Variants in TTC27 observed in about 807,000 individuals in gnomAD.
The protein encoded by TTC27 is tetratricopeptide repeat domain 27.
Under a neutral mutation model 115.9 loss-of-function variants are expected in TTC27, and 79 were observed. The observed-to-expected ratio is 0.68, with a 90% CI of 0.57 to 0.82. The LOEUF is 0.82. Ranked by LOEUF, TTC27 falls within the 40% of genes least tolerant of loss-of-function variation. TTC27 has a pLI of 0.00. For missense variants in TTC27, 1,054 were observed against 993.1 expected (o/e 1.06, Z -0.82); for synonymous variants, 401 against 356.0 (o/e 1.13, Z -1.42).
intron 4 of TTC27, among the ~76,000 whole-genome samples, chr2:32,646,637 C>T (rs977608602): frequency 2.8e-5 from 4 of 143,344 alleles, no homozygotes; most frequent in African/African-American, 1.0e-4. Context: ...GATCTCTGCT[C>T]ACTGCAAGCT....
rs1462541363 is a variant in TTC27 at position 32,628,916 on chromosome 2, A to G, written c.88+536A>G. Among the ~76,000 whole-genome samples the G allele has an allele frequency of 2.6e-5, 4 of 151,006 alleles. No homozygotes were observed. The East Asian group carries it at 7.8e-4, about 30-fold the overall frequency. ...GCTGGGATTACAGGCATGCGCCACCACGCCCGGCTAATTTTGTATTTTTAG... is the reference window on the plus strand; with the variant it reads ...GCTGGGATTACAGGCATGCGCCACCGCGCCCGGCTAATTTTGTATTTTTAG... On this transcript the variant is annotated intron_variant, in intron 1 of 19. Coordinates refer to ENST00000317907, the MANE Select transcript of TTC27 (RefSeq NM_017735.5).
chr2:32,702,085 A>T (rs1057356327), intron 9 of TTC27, among the ~76,000 whole-genome samples: 1 of 152,046 alleles, frequency 6.6e-6, no homozygotes, highest in Non-Finnish European at 1.5e-5. Context: ...CAGAGATCTG[A>T]TATACTTTTA....
At chr2:32,698,036 T>G (rs1280418921) in intron 9 of TTC27, among the ~76,000 whole-genome samples, 6 of 152,166 alleles carry the variant, frequency 3.9e-5, no homozygotes, top group African/African-American at 1.4e-4. Flanking sequence ...GCCTGGCCAG[T>G]AATAATTAAT....
intron 13 of TTC27, among the ~76,000 whole-genome samples, chr2:32,775,095 A>G (rs1669949664): frequency 6.6e-6 from 1 of 152,274 alleles, no homozygotes; most frequent in African/African-American, 2.4e-5. Flanking sequence ...TTTTAGAGCT[A>G]GAAGGTAATT....
At chr2:32,633,244 C>T (rs1401082836) in intron 2 of TTC27, among the ~76,000 whole-genome samples, 1 of 152,042 alleles carries the variant, frequency 6.6e-6, no homozygotes, top group Non-Finnish European at 1.5e-5. Flanking sequence ...TAGAAGTGCT[C>T]TCTATCTTCA....
At position 32,714,144 on chromosome 2, in the gene TTC27, C is replaced by T. The variant is rs376221739; in HGVS notation, c.1233+11224C>T. ...GTAGTATTCCATGGTGTATATGCAGCGCACCCCCGCCCCCCCGCCTTTTTT... is the reference window on the plus strand; with the variant it reads ...GTAGTATTCCATGGTGTATATGCAGTGCACCCCCGCCCCCCCGCCTTTTTT... On this transcript the variant is annotated intron_variant, in intron 10 of 19. Coordinates refer to ENST00000317907, the MANE Select transcript of TTC27 (RefSeq NM_017735.5). Among the ~76,000 whole-genome samples the T allele has an allele frequency of 6.5e-4, 97 of 148,712 alleles. 1 individual carries two copies. The highest frequency in any genetic ancestry group is 1.9e-3 in the African/African-American group (79 of 40,894).
intron 13 of TTC27, among the ~76,000 whole-genome samples, chr2:32,773,500 C>T (rs13012691): frequency 0.034 from 5,238 of 152,282 alleles, 137 homozygotes; most frequent in South Asian, 0.095. Flanking sequence ...ATGGTATTGC[C>T]ATAAATCATG....
chr2:32,779,768 T>G (rs896571412), intron 14 of TTC27, among the ~76,000 whole-genome samples: 1 of 152,192 alleles, frequency 6.6e-6, no homozygotes, highest in Admixed American at 6.5e-5. Flanking sequence ...GCTAGGAGTT[T>G]TATAGTTTTA....
intron 16 of TTC27, among the ~76,000 whole-genome samples, chr2:32,796,100 T>C (rs1670695028): frequency 6.6e-6 from 1 of 152,160 alleles, no homozygotes. Context: ...AATAAATGAA[T>C]TCAGCATAGT....
At chr2:32,785,229 G>C (rs960896278) in intron 15 of TTC27, among the ~76,000 whole-genome samples, 1 of 151,982 alleles carries the variant, frequency 6.6e-6, no homozygotes, top group Middle Eastern at 3.2e-3. Flanking sequence ...TAGATTTTAG[G>C]AATATCTTTC....
chr2:32,672,241 G>T, intron 7 of TTC27, 31 bp from the exon 8 acceptor site: 1 of 1,513,058 alleles, frequency 6.6e-7, no homozygotes, highest in Non-Finnish European at 9.1e-7. Context: ...TTTAATTTTT[G>T]GTCTAAGTAT....
At chr2:32,816,084 G>A (rs1671492559) in intron 18 of TTC27, among the ~76,000 whole-genome samples, 1 of 152,064 alleles carries the variant, frequency 6.6e-6, no homozygotes, top group South Asian at 2.1e-4. Flanking sequence ...GAGGTGGGTG[G>A]ATCACTTGAG....
chr2:32,785,788 G>A (rs1480493052), intron 15 of TTC27, among the ~76,000 whole-genome samples: 1 of 152,062 alleles, frequency 6.6e-6, no homozygotes. Context: ...TAGAGACAGG[G>A]TTTCATCATG....
intron 12 of TTC27, among the ~76,000 whole-genome samples, chr2:32,740,019 C>T (rs543199241): frequency 1.3e-5 from 2 of 152,278 alleles, no homozygotes; most frequent in South Asian, 4.2e-4. Context: ...TAGAAACTAC[C>T]GGCATACATT....
chr2:32,647,013 G>C (rs1250870731), intron 4 of TTC27, among the ~76,000 whole-genome samples: 1 of 144,346 alleles, frequency 6.9e-6, no homozygotes, highest in Non-Finnish European at 1.5e-5. Context: ...TCTCTTCTCT[G>C]TTGCCCAACC....
chr2:32,670,624 T>G (rs751916494), intron 7 of TTC27, among the ~76,000 whole-genome samples: 1 of 152,140 alleles, frequency 6.6e-6, no homozygotes, highest in Non-Finnish European at 1.5e-5. Flanking sequence ...TTTCTCTTCT[T>G]TTTTTATTTT....
chr2:32,782,742 A>T (rs1485446180), intron 15 of TTC27, 64 bp downstream of exon 15: 1 of 1,310,760 alleles, frequency 7.6e-7, no homozygotes, highest in Non-Finnish European at 1.1e-6. Flanking sequence ...ATTTTCTACA[A>T]CTGAACATTG....
intron 12 of TTC27, among the ~76,000 whole-genome samples, chr2:32,748,448 G>A (rs181517633): frequency 4.6e-5 from 7 of 152,088 alleles, no homozygotes; most frequent in East Asian, 1.9e-4. Context: ...AGGTCTAGTT[G>A]GTTTATAGCA....
intron 4 of TTC27, 150 bp from the exon 5 acceptor site, chr2:32,649,981 A>C: frequency 3.3e-6 from 2 of 604,808 alleles, no homozygotes. Context: ...GGGTTTTGGT[A>C]TTATTACTGA....
Sources: gnomAD v4.1 joint callset for allele counts (sites outside exome capture counted in the v4.1 genomes callset) on GRCh38, gnomAD v4.1.1 for gene constraint, MANE v1.5 for transcripts, NCBI Gene and HGNC (gene_info 2026-07-23, HGNC 2026-07-21) for gene names.